C8orf88: variants seen among roughly 807,000 people sequenced by gnomAD.
C8orf88 encodes uncharacterized protein C8orf88.
Under a neutral mutation model 18.4 loss-of-function variants are expected in C8orf88, and 14 were observed. The ratio of observed to expected loss-of-function variants is 0.76; its 90% CI spans 0.50 to 1.19. C8orf88 has a LOEUF of 1.19. C8orf88 is among the 50% of genes most tolerant of loss of function. C8orf88 has a pLI of 0.00. For synonymous variants in C8orf88, 45 were observed against 42.9 expected (o/e 1.05, Z -0.19); for missense variants, 116 against 134.7 (o/e 0.86, Z 0.69).
At chr8:90,983,328 T>A (rs1811460733) in intron 1 of C8orf88, among the ~76,000 whole-genome samples, 1 of 152,164 alleles carries the variant, frequency 6.6e-6, no homozygotes, top group Non-Finnish European at 1.5e-5. Context: ...GGTTGCTGAA[T>A]AGTTTTTTTC....
Position 90,974,846 on chromosome 8 carries a change from CATA to C in C8orf88, c.148-3708_148-3706del, listed in dbSNP as rs577387322. Among the ~76,000 whole-genome samples the C allele has an allele frequency of 6.0e-3, 918 of 152,064 alleles. 2 individuals are homozygous for C. Among genetic ancestry groups the C allele is most frequent in the Non-Finnish European group, 0.011 (719 of 67,964 alleles). ...GTCCAAACAAAAGTAAAATTATCATCATAATAAGCACAAGAATGTAAGGGTGGT... is the reference window on the plus strand; with the variant it reads ...GTCCAAACAAAAGTAAAATTATCATCATAAGCACAAGAATGTAAGGGTGGT... On this transcript the variant is annotated intron_variant, in intron 3 of 5. Transcript: ENST00000517562.
At chr8:90,968,679 T>TATATATATATATATATATATATATATGC (rs1811240757) in intron 4 of C8orf88, among the ~76,000 whole-genome samples, 2 of 136,738 alleles carry the variant, frequency 1.5e-5, no homozygotes, top group Non-Finnish European at 1.6e-5. Flanking sequence ...TATATATATA[T>TATATATATATATATATATATATATATGC]ATATATGCAC....
At chr8:90,966,170 GCC>G (rs1811193512) in intron 4 of C8orf88, among the ~76,000 whole-genome samples, 1 of 151,484 alleles carries the variant, frequency 6.6e-6, no homozygotes, top group African/African-American at 2.4e-5. Context: ...ATACTATGCA[GCC>G]ATAAAAAATG....
In C8orf88 at chr8:90,981,750, A is replaced by C. The variant is rs574990546; in HGVS notation, c.-26-1289T>G. 4.6e-5 allele frequency among the ~76,000 whole-genome samples: 7 copies of C among 152,292 alleles called. No homozygotes were observed. The South Asian group carries it at 1.5e-3, about 32-fold the overall frequency. ...ATAGATTTATTAAATAAACTCTATAAACGCTAAGTACCTCGTCATTGCAAC... is the reference window on the plus strand; with the variant it reads ...ATAGATTTATTAAATAAACTCTATACACGCTAAGTACCTCGTCATTGCAAC... On this transcript the variant is annotated intron_variant, in intron 1 of 5. Coordinates refer to ENST00000517562, the MANE Select transcript of C8orf88 (RefSeq NM_001190972.2).
At chr8:90,975,266 C>G (rs193175015) in intron 3 of C8orf88, among the ~76,000 whole-genome samples, 1 of 152,128 alleles carries the variant, frequency 6.6e-6, no homozygotes, top group Admixed American at 6.6e-5. Context: ...CTTTCACAAC[C>G]TGGTTTCAAG....
chr8:90,976,449 A>T (rs1366052513), intron 3 of C8orf88, among the ~76,000 whole-genome samples: 3 of 152,114 alleles, frequency 2.0e-5, no homozygotes, highest in Non-Finnish European at 2.9e-5. Flanking sequence ...AATTTTTTAC[A>T]TATAAAGTGA....
chr8:90,971,676 TG>T (rs1302961887), intron 3 of C8orf88, among the ~76,000 whole-genome samples: 1 of 152,038 alleles, frequency 6.6e-6, no homozygotes, highest in Non-Finnish European at 1.5e-5. Context: ...CTCTATGTCT[TG>T]AAGAGAGACG....
At chr8:90,970,367 T>C (rs1360459633) in intron 4 of C8orf88, among the ~76,000 whole-genome samples, 1 of 151,926 alleles carries the variant, frequency 6.6e-6, no homozygotes, top group Non-Finnish European at 1.5e-5. Context: ...AAGAAAAAAA[T>C]TAATGGTCTT....
intron 4 of C8orf88, among the ~76,000 whole-genome samples, chr8:90,962,048 A>T (rs1447099318): frequency 1.3e-5 from 2 of 151,652 alleles, no homozygotes; most frequent in African/African-American, 2.4e-5. Flanking sequence ...CTATCCTTAC[A>T]TCCTATCAAC....
chr8:90,962,674 A>G (rs1250439168), intron 4 of C8orf88, among the ~76,000 whole-genome samples: 2 of 151,632 alleles, frequency 1.3e-5, no homozygotes, highest in Non-Finnish European at 3.0e-5. Context: ...TACAGACTTT[A>G]TTCTCAAAAA....
chr8:90,965,239 T>C (rs917036327), intron 4 of C8orf88, among the ~76,000 whole-genome samples: 3 of 151,660 alleles, frequency 2.0e-5, no homozygotes, highest in Non-Finnish European at 4.4e-5. Context: ...ATACTAACAT[T>C]AGACAAAAAT....
chr8:90,973,500 T>C (rs910055851), intron 3 of C8orf88, among the ~76,000 whole-genome samples: 2 of 152,172 alleles, frequency 1.3e-5, no homozygotes, highest in Non-Finnish European at 2.9e-5. Context: ...TGTATTTTTT[T>C]GAGACAGCGT....
chr8:90,969,042 G>A (rs1811246433), intron 4 of C8orf88, among the ~76,000 whole-genome samples: 1 of 151,702 alleles, frequency 6.6e-6, no homozygotes, highest in African/African-American at 2.4e-5. Context: ...TAGAACTGCT[G>A]TGAAAAACAA....
Position 90,961,933 on chromosome 8 carries a change from G to A in C8orf88, c.224-1085C>T, listed in dbSNP as rs138307327. On this transcript the variant is annotated intron_variant, in intron 4 of 5. Transcript: ENST00000517562. The stretch of plus-strand genomic sequence containing the variant: ...AAAAAATAAGAAGACCCTATTATAT[G>A]CTGTCTGCAAGAGACACATATTAAA... 7.3e-5 allele frequency among the ~76,000 whole-genome samples: 11 copies of A among 151,508 alleles called. No homozygotes were observed. The East Asian group carries it at 1.7e-3, about 24-fold the overall frequency.
Position 90,958,690 on chromosome 8 carries a change from T to G in C8orf88, c.*317A>C. On this transcript the variant is annotated 3_prime_UTR_variant, in exon 6 of 6. Coordinates refer to ENST00000517562, the MANE Select transcript of C8orf88 (RefSeq NM_001190972.2). ...GAGTCTTTACAGCTTACATTTCCAT[T>G]CCATTATTACAAGTGATGAAAAACA... is the stretch of plus-strand genomic sequence containing the variant. 3.7e-6 allele frequency: 1 copy of G among 266,842 alleles called. No homozygotes were observed. Among genetic ancestry groups the G allele is most frequent in the Non-Finnish European group, 7.0e-6 (1 of 142,120 alleles). The allele number at this position is 266,842 out of a possible 1,614,324, so 16.5% of individuals were successfully genotyped here.
chr8:90,971,101 T>C lies in C8orf88; in HGVS notation c.188A>G (p.Asn63Ser). 6.6e-7 allele frequency: 1 copy of C among 1,521,536 alleles called. No homozygotes were observed. The highest frequency in any genetic ancestry group is 8.8e-7 in the Non-Finnish European group (1 of 1,139,034). The allele number at this position is 1,521,536 out of a possible 1,614,324, so 94.3% of individuals were successfully genotyped here. The change falls in exon 4 of 6, where the codon AAT becomes AGT. Residue 63 changes from asparagine to serine, a missense_variant. Asn to Ser is a conservative substitution (Grantham distance 46). Transcript: ENST00000517562. Reference protein sequence around the residue: ...NGMQAFSQGLNEQQQQQSPVK... With the variant: ...NGMQAFSQGLSEQQQQQSPVK... ...TGGAGACTGCTGTTGCTGTTGCTCA[T>C]TAAGACCTTGAGAAAAGGCTTGCAT... is the stretch of plus-strand genomic sequence containing the variant.
chr8:90,980,206 AT>A (rs1425063862), intron 2 of C8orf88, among the ~76,000 whole-genome samples, 156 bp downstream of exon 2: 1 of 152,200 alleles, frequency 6.6e-6, no homozygotes, highest in Non-Finnish European at 1.5e-5. Context: ...TTGGTAGGTA[AT>A]TAAGAATCTT....
intron 3 of C8orf88, among the ~76,000 whole-genome samples, chr8:90,975,997 A>C (rs1811343796): frequency 6.6e-6 from 1 of 152,070 alleles, no homozygotes; most frequent in Admixed American, 6.5e-5. Context: ...CGCTGAGCAA[A>C]AGAACCCAGC....
At position 90,980,453 on chromosome 8, in the gene C8orf88, G is replaced by C; in HGVS notation, c.-18C>G. 6.8e-7 allele frequency: 1 copy of C among 1,475,822 alleles called. No individual in the cohort carries two copies. The highest frequency in any genetic ancestry group is 9.1e-7 in the Non-Finnish European group (1 of 1,099,864). The allele number at this position is 1,475,822 out of a possible 1,614,324, so 91.4% of individuals were successfully genotyped here. A position where few individuals can be genotyped will look rare whatever the true frequency, so the allele number is the denominator to read the frequency against. ...GTTTCCATTGTCACAAAGACTTTGA[G>C]GTTCCATACTAGAAGACAAAAAAAT... On this transcript the variant is annotated 5_prime_UTR_variant, in exon 2 of 6. Coordinates refer to ENST00000517562, the MANE Select transcript of C8orf88 (RefSeq NM_001190972.2).
Sources: allele counts gnomAD v4.1 joint callset (sites outside exome capture counted in the v4.1 genomes callset), GRCh38; gene constraint gnomAD v4.1.1; transcripts MANE v1.5; gene names NCBI Gene and HGNC (gene_info 2026-07-23, HGNC 2026-07-21).